Variants in GPHN observed in about 807,000 individuals in gnomAD.
GPHN encodes gephyrin.
In GPHN, 17 loss-of-function variants were observed where a neutral mutation model predicts 95.5. The ratio of observed to expected loss-of-function variants is 0.18; its 90% CI spans 0.12 to 0.27. The LOEUF (loss-of-function observed/expected upper bound fraction) is 0.27. GPHN is among the 10% of genes least tolerant of loss of function. The probability of loss-of-function intolerance (pLI) is 1.00; values close to 1 mark genes in which losing one functional copy is unlikely to be tolerated. For synonymous variants in GPHN, 320 were observed against 322.5 expected (o/e 0.99, Z 0.08); for missense variants, 660 against 978.1 (o/e 0.67, Z 4.34).
At chr14:67,256,900 G>C in the GPHN span, among the ~76,000 whole-genome samples, 73 of 151,990 alleles carry the variant, frequency 4.8e-4, no homozygotes, top group African/African-American at 1.7e-3. Context: ...AAAGAATGTG[G>C]GTATTGTGAA....
intron 12 of GPHN, among the ~76,000 whole-genome samples, chr14:67,091,272 C>T (rs1340556757): frequency 6.6e-6 from 1 of 151,926 alleles, no homozygotes; most frequent in African/African-American, 2.4e-5. Flanking sequence ...CCCAATGGCT[C>T]CTATGTTTTT....
At chr14:67,008,647 C>T (rs963318821) in intron 9 of GPHN, among the ~76,000 whole-genome samples, 3 of 151,944 alleles carry the variant, frequency 2.0e-5, no homozygotes, top group African/African-American at 7.2e-5. Context: ...TGGGCTCAAG[C>T]GATCCTCCCA....
chr14:67,099,075 T>G (rs1284463388), intron 12 of GPHN, among the ~76,000 whole-genome samples: 1 of 152,052 alleles, frequency 6.6e-6, no homozygotes, highest in East Asian at 1.9e-4. Flanking sequence ...TGTTGATAAT[T>G]GTTGAAGCAA....
chr14:66,743,648 G>C (rs2072996016), intron 2 of GPHN, among the ~76,000 whole-genome samples: 1 of 152,222 alleles, frequency 6.6e-6, no homozygotes, highest in East Asian at 1.9e-4. Flanking sequence ...AGGCTGAGGC[G>C]GGAGAATGGC....
Position 66,757,803 on chromosome 14 carries a change from A to G in GPHN, c.144-18661A>G, listed in dbSNP as rs76957791. On this transcript the variant is annotated intron_variant, in intron 2 of 22. Coordinates refer to ENST00000478722, the MANE Select transcript of GPHN (RefSeq NM_020806.5). ...CATTATAGTTATTTTTACCATGTGA[A>G]TGTGTTGTGGTCTTTCTGCTCCTTA... Among the ~76,000 whole-genome samples, 837 of 152,308 alleles carry G rather than the reference A, an allele frequency of 5.5e-3. 3 individuals carry two copies. Among genetic ancestry groups the G allele is most frequent in the African/African-American group, 0.019 (799 of 41,576 alleles).
At chr14:67,637,744 T>C in the GPHN span, among the ~76,000 whole-genome samples, 1 of 152,220 alleles carries the variant, frequency 6.6e-6, no homozygotes, top group Non-Finnish European at 1.5e-5. Context: ...TTAACATAAA[T>C]TTGTAATCCT....
chr14:67,722,200 C>T, the GPHN span, among the ~76,000 whole-genome samples: 1 of 152,084 alleles, frequency 6.6e-6, no homozygotes, highest in Non-Finnish European at 1.5e-5. Context: ...CTATTTTAAT[C>T]CACTCATATT....
chr14:67,199,924 G>A, the GPHN span: 8 of 1,471,906 alleles, frequency 5.4e-6, no homozygotes, highest in South Asian at 1.1e-4. Flanking sequence ...TCCTGGTCAT[G>A]GACACTCCCA....
rs2057877360 is a variant in GPHN, at chr14:66,508,440, C to T, written c.-88C>T. The T allele has an allele frequency of 1.1e-5, 13 of 1,186,264 alleles. No individual in the cohort carries two copies. In the South Asian group the frequency reaches 1.5e-4, roughly 13 times the overall value. 73.5% of individuals were successfully genotyped at this position (1,186,264 alleles called of 1,614,324 possible). On this transcript the variant is annotated 5_prime_UTR_variant, in exon 1 of 23. Transcript: ENST00000478722. ...CTTCTCTGGCTCCCTAGCTGTCGCG[C>T]TCTCCTCGGCGAGCGCGCTCCCGGC...
At chr14:66,535,287 G>A (rs1413797978) in intron 1 of GPHN, among the ~76,000 whole-genome samples, 1 of 152,010 alleles carries the variant, frequency 6.6e-6, no homozygotes, top group Admixed American at 6.6e-5. Flanking sequence ...ATATAAATCA[G>A]GTGAGTCTTA....
At chr14:67,722,909 G>A in the GPHN span, among the ~76,000 whole-genome samples, 1 of 152,198 alleles carries the variant, frequency 6.6e-6, no homozygotes, top group Admixed American at 6.5e-5. Context: ...CAGAGGTGGG[G>A]CTGAGTTCTG....
the GPHN span, chr14:67,228,457 G>C: frequency 2.2e-5 from 5 of 224,246 alleles, no homozygotes; most frequent in Non-Finnish European, 3.7e-5. Flanking sequence ...AAACTAAAAA[G>C]CAAACACAGC....
At chr14:67,072,416 A>G (rs2076346441) in intron 11 of GPHN, among the ~76,000 whole-genome samples, 1 of 152,026 alleles carries the variant, frequency 6.6e-6, no homozygotes, top group South Asian at 2.1e-4. Flanking sequence ...TGAGTGATTC[A>G]CTTTCTCATT....
chr14:67,215,537 A>G, the GPHN span, among the ~76,000 whole-genome samples: 1 of 149,942 alleles, frequency 6.7e-6, no homozygotes, highest in Non-Finnish European at 1.5e-5. Flanking sequence ...ACAACAGGAG[A>G]GAGTGAGAGT....
In GPHN at chr14:67,111,929, A is replaced by G; in HGVS notation, c.1472+10A>G. On this transcript the variant is annotated intron_variant, in intron 15 of 22. Transcript: ENST00000478722. ...CAGGCCAAGATATCAGGTAACTTCA[A>G]AACACATAGAATATATAGCCTACTT... 6.3e-7 allele frequency: 1 copy of G among 1,598,834 alleles called. No individual in the cohort carries two copies. The highest frequency in any genetic ancestry group is 8.6e-7 in the Non-Finnish European group (1 of 1,166,094).
chr14:66,962,466 A>C (rs1424713696), intron 8 of GPHN, among the ~76,000 whole-genome samples: 1 of 151,594 alleles, frequency 6.6e-6, no homozygotes, highest in East Asian at 1.9e-4. Flanking sequence ...CATCATTTTC[A>C]TTCATCAATG....
At chr14:67,263,102 T>C in the GPHN span, among the ~76,000 whole-genome samples, 2 of 152,178 alleles carry the variant, frequency 1.3e-5, no homozygotes, top group Non-Finnish European at 2.9e-5. Context: ...CATGAGCGTG[T>C]GGTCTTGAAT....
At chr14:66,943,572 A>G (rs946274100) in intron 8 of GPHN, among the ~76,000 whole-genome samples, 7 of 152,214 alleles carry the variant, frequency 4.6e-5, no homozygotes, top group African/African-American at 1.7e-4. Flanking sequence ...TTTTAATGAC[A>G]TCTGCTTTTT....
chr14:67,338,992 CTTT>C, the GPHN span, among the ~76,000 whole-genome samples: 1 of 131,142 alleles, frequency 7.6e-6, no homozygotes, highest in Admixed American at 7.8e-5. Flanking sequence ...AGACAGAAGC[CTTT>C]TTTTTTTTTT....
Sources: gnomAD v4.1 joint callset for allele counts (sites outside exome capture counted in the v4.1 genomes callset) on GRCh38, gnomAD v4.1.1 for gene constraint, MANE v1.5 for transcripts, NCBI Gene and HGNC (gene_info 2026-07-23, HGNC 2026-07-21) for gene names.